The following CSMD1 variants were observed in gnomAD, a reference collection of about 807,000 sequenced individuals.
CSMD1 encodes CUB and Sushi multiple domains 1.
Under a neutral mutation model 417.5 loss-of-function variants are expected in CSMD1, and 213 were observed. That is an observed-to-expected ratio of 0.51 (90% CI 0.46 to 0.57). The LOEUF (loss-of-function observed/expected upper bound fraction) is 0.57, where lower values mean the gene tolerates loss of function less well. CSMD1 is among the 20% of genes least tolerant of loss of function. CSMD1 has a pLI of 0.00. For missense variants in CSMD1, 6,923 were observed against 4,529.7 expected, an observed-to-expected ratio of 1.53 and a Z score of -15.17; for synonymous variants, 2,862 against 1,736.8, an observed-to-expected ratio of 1.65 and a Z score of -16.11.
chr8:4,523,694 G>T (rs569090611), intron 2 of CSMD1, among the ~76,000 whole-genome samples: 19 of 152,152 alleles, frequency 1.2e-4, no homozygotes, highest in African/African-American at 1.9e-4. Context: ...CTTATGAAAT[G>T]ATCTGCTGAC....
chr8:4,687,434 A>G (rs561772996), intron 1 of CSMD1, among the ~76,000 whole-genome samples: 2 of 152,374 alleles, frequency 1.3e-5, no homozygotes, highest in South Asian at 2.1e-4. Context: ...AAAACTTTCA[A>G]TGTTGATAAT....
intron 5 of CSMD1, among the ~76,000 whole-genome samples, chr8:3,774,074 G>A (rs988745382): frequency 2.0e-5 from 3 of 152,122 alleles, no homozygotes; most frequent in Non-Finnish European, 4.4e-5. Context: ...AATACAGGCT[G>A]AGTCATGCAG....
chr8:3,854,241 CT>C, intron 5 of CSMD1, among the ~76,000 whole-genome samples: 1 of 149,968 alleles, frequency 6.7e-6, no homozygotes, highest in Middle Eastern at 3.5e-3. Context: ...TTCTTAAAAT[CT>C]CAGGAGTAAT....
intron 5 of CSMD1, among the ~76,000 whole-genome samples, chr8:3,882,007 G>T (rs533032710): frequency 5.1e-4 from 78 of 152,044 alleles, no homozygotes; most frequent in Non-Finnish European, 9.3e-4. Flanking sequence ...AATATTCTAC[G>T]ATGTCTGATG....
chr8:4,889,302 GAGAAAC>G (rs1462655561), intron 1 of CSMD1, among the ~76,000 whole-genome samples: 2 of 152,060 alleles, frequency 1.3e-5, no homozygotes, highest in Non-Finnish European at 2.9e-5. Context: ...GGAAACATTA[GAGAAAC>G]TCAAATTGAG....
At chr8:4,379,670 C>G (rs541542147) in intron 3 of CSMD1, among the ~76,000 whole-genome samples, 84 of 150,454 alleles carry the variant, frequency 5.6e-4, no homozygotes, top group African/African-American at 1.6e-3. Flanking sequence ...GAAATTAGTT[C>G]TTACAGGGGA....
chr8:3,956,097 G>A (rs1811925333), intron 5 of CSMD1, among the ~76,000 whole-genome samples: 1 of 152,170 alleles, frequency 6.6e-6, no homozygotes, highest in South Asian at 2.1e-4. Flanking sequence ...TGCTCGGCCA[G>A]GTTTCCTTTC....
At chr8:4,650,079 T>C (rs899367989) in intron 1 of CSMD1, among the ~76,000 whole-genome samples, 1 of 152,098 alleles carries the variant, frequency 6.6e-6, no homozygotes, top group Non-Finnish European at 1.5e-5. Flanking sequence ...CAAATAGTCA[T>C]AAAAATATCA....
intron 5 of CSMD1, among the ~76,000 whole-genome samples, chr8:3,852,422 C>A (rs1474056987): frequency 6.6e-6 from 1 of 152,146 alleles, no homozygotes; most frequent in East Asian, 1.9e-4. Context: ...CTCCCCTGTG[C>A]TGCTGGTCAA....
chr8:4,387,017 A>T lies in CSMD1; in HGVS notation c.415+32936T>A, dbSNP rs188786254. On this transcript the variant is annotated intron_variant, in intron 3 of 69. Transcript: ENST00000635120. ...CAGTAATCGGCTTCATTTGAAAGGG[A>T]CTGAGTTTGAGATACATGGGGGATA... Among the ~76,000 whole-genome samples, 781 of 152,298 alleles carry T rather than the reference A, an allele frequency of 5.1e-3. 3 individuals are homozygous for T. The highest frequency in any genetic ancestry group is 0.01 in the Middle Eastern group (3 of 294).
In CSMD1 at chr8:3,731,585, G is replaced by A. The variant is rs372279436; in HGVS notation, c.931+22345C>T. Among the ~76,000 whole-genome samples the A allele has an allele frequency of 9.2e-5, 14 of 152,266 alleles. No homozygotes were observed. In the East Asian group the frequency reaches 1.7e-3, roughly 19 times the overall value. ...CGTGAAGAATCTAAAATAGGTTTTT[G>A]AAAGTGATATGAACTTTACCAACCA... On this transcript the variant is annotated intron_variant, in intron 6 of 69. Transcript: ENST00000635120.
intron 3 of CSMD1, among the ~76,000 whole-genome samples, chr8:4,244,102 C>G (rs1307188395): frequency 2.6e-5 from 4 of 152,160 alleles, no homozygotes; most frequent in African/African-American, 9.7e-5. Context: ...CTGAAGATGA[C>G]TACTGGGTGC....
intron 25 of CSMD1, among the ~76,000 whole-genome samples, chr8:3,307,376 C>A (rs775959297): frequency 1.3e-4 from 20 of 151,394 alleles, no homozygotes; most frequent in South Asian, 4.2e-4. Flanking sequence ...GGCAGTCTCA[C>A]GCAGATCAGA....
At chr8:4,590,240 C>A (rs1440980471) in intron 2 of CSMD1, among the ~76,000 whole-genome samples, 1 of 151,662 alleles carries the variant, frequency 6.6e-6, no homozygotes, top group East Asian at 1.9e-4. Flanking sequence ...TAGTGTCTAG[C>A]GTCATACTTG....
chr8:2,967,173 T>G (rs1585066152), intron 57 of CSMD1, among the ~76,000 whole-genome samples: 1 of 152,350 alleles, frequency 6.6e-6, no homozygotes, highest in East Asian at 1.9e-4. Flanking sequence ...ATGTAATCAC[T>G]GTATTTTTTT....
intron 2 of CSMD1, among the ~76,000 whole-genome samples, chr8:4,429,561 A>T (rs1303823820): frequency 6.6e-6 from 1 of 152,172 alleles, no homozygotes; most frequent in Non-Finnish European, 1.5e-5. Context: ...CTCATTACAG[A>T]AGGATTTGGT....
chr8:3,777,137 C>G (rs1011744638), intron 5 of CSMD1, among the ~76,000 whole-genome samples: 1 of 151,428 alleles, frequency 6.6e-6, no homozygotes, highest in Non-Finnish European at 1.5e-5. Context: ...CACACACACA[C>G]ACACACACAC....
chr8:4,172,358 G>A (rs1584954386), intron 3 of CSMD1, among the ~76,000 whole-genome samples: 1 of 151,852 alleles, frequency 6.6e-6, no homozygotes, highest in African/African-American at 2.4e-5. Context: ...AGTTTAAATT[G>A]GATTACCTAT....
At chr8:3,793,719 C>A (rs1377334374) in intron 5 of CSMD1, among the ~76,000 whole-genome samples, 1 of 152,122 alleles carries the variant, frequency 6.6e-6, no homozygotes, top group East Asian at 1.9e-4. Flanking sequence ...TATTTGTGGT[C>A]TTGTGCACTT....
Sources: allele counts gnomAD v4.1 joint callset (sites outside exome capture counted in the v4.1 genomes callset), GRCh38; gene constraint gnomAD v4.1.1; transcripts MANE v1.5; gene names NCBI Gene and HGNC (gene_info 2026-07-23, HGNC 2026-07-21).